The following CBY2 variants were observed in gnomAD, a reference collection of about 807,000 sequenced individuals.
The protein encoded by CBY2 is chibby family member 2.
A neutral mutation model predicts 25.3 loss-of-function variants in CBY2; 23 were observed. The ratio of observed to expected loss-of-function variants is 0.91; its 90% CI spans 0.65 to 1.29. The LOEUF (loss-of-function observed/expected upper bound fraction) is 1.29, where lower values mean the gene tolerates loss of function less well. Among genes scored for constraint, CBY2 ranks in the 50% most tolerant of loss-of-function variants. The probability of loss-of-function intolerance (pLI) is 0.00; values close to 1 mark genes in which losing one functional copy is unlikely to be tolerated. For missense variants in CBY2, 642 were observed against 590.7 expected, an observed-to-expected ratio of 1.09 and a Z score of -0.90; for synonymous variants, 279 against 260.2, an observed-to-expected ratio of 1.07 and a Z score of -0.70.
chr13:45,713,835 G>A lies in CBY2; in HGVS notation c.810G>A (p.Gln270=), dbSNP rs1388813652. 6.5e-7 allele frequency: 1 copy of A among 1,532,212 alleles called. No homozygotes were observed. The highest frequency in any genetic ancestry group is 8.8e-7 in the Non-Finnish European group (1 of 1,141,308). 94.9% of individuals were successfully genotyped at this position (1,532,212 alleles called of 1,614,324 possible). A position where few individuals can be genotyped will look rare whatever the true frequency, so the allele number is the denominator to read the frequency against. ...AGCAGAAACAGGCCTACTGGGCGCA[G>A]GCAGAGGACACGGCCGCCCCTGCCG... ...LLEQKQAYWA[Q]AEDTAAPAEE... is the part of the protein sequence containing the mutation. The change falls in exon 3 of 3, where the codon CAG becomes CAA. Residue 270 remains glutamine, a synonymous_variant. Transcript: ENST00000310521. The surrounding 1 kb of genome is among the most constrained non-coding windows in gnomAD (Gnocchi z 5.0).
chr13:45,708,501 A>G (rs527763173), intron 2 of CBY2, among the ~76,000 whole-genome samples: 52 of 152,352 alleles, frequency 3.4e-4, no homozygotes, highest in African/African-American at 1.2e-3. Context: ...ACACTAATGT[A>G]GGGGAAAAAT....
intron 2 of CBY2, 51 bp downstream of exon 2, chr13:45,702,906 C>A: frequency 7.2e-7 from 1 of 1,386,274 alleles, no homozygotes; most frequent in Non-Finnish European, 1.0e-6. Context: ...CCAGAATAAC[C>A]CCCCATCTCC....
At chr13:45,706,095 C>A (rs1950238189) in intron 2 of CBY2, among the ~76,000 whole-genome samples, 1 of 152,244 alleles carries the variant, frequency 6.6e-6, no homozygotes, top group Admixed American at 6.5e-5. Context: ...CCTGTTGCTA[C>A]AAGTCCTGTA....
intron 2 of CBY2, among the ~76,000 whole-genome samples, chr13:45,707,579 G>C (rs540841448): frequency 6.6e-6 from 1 of 152,278 alleles, no homozygotes; most frequent in East Asian, 1.9e-4. Flanking sequence ...TGTGAAATTT[G>C]CTTTCTAATT....
intron 2 of CBY2, among the ~76,000 whole-genome samples, chr13:45,708,031 C>T (rs1180070104): frequency 6.6e-6 from 1 of 152,092 alleles, no homozygotes; most frequent in Non-Finnish European, 1.5e-5. Flanking sequence ...GAAAATGTTC[C>T]GAGTCTCCTT....
intron 2 of CBY2, among the ~76,000 whole-genome samples, chr13:45,706,481 G>T (rs1052217942): frequency 2.0e-5 from 3 of 152,112 alleles, no homozygotes; most frequent in African/African-American, 7.2e-5. Flanking sequence ...TCTAGCACCC[G>T]ACAGGAAGGC....
chr13:45,711,495 T>C (rs187529374), intron 2 of CBY2, among the ~76,000 whole-genome samples: 54 of 152,210 alleles, frequency 3.5e-4, no homozygotes, highest in African/African-American at 1.2e-3. Flanking sequence ...AGTGACAAAA[T>C]CAGGATGAGA....
chr13:45,713,704 G>A lies in CBY2; in HGVS notation c.679G>A (p.Glu227Lys), dbSNP rs1566071808. Reference sequence around the variant, plus strand: ...GCTGCACAAAGACAGCGCGTCCCTGGAGGTGGTGAAGAAGGACCACGTCGC... The same window carrying A: ...GCTGCACAAAGACAGCGCGTCCCTGAAGGTGGTGAAGAAGGACCACGTCGC... ...PLLHKDSASL[E>K]VVKKDHVALQ... The change falls in exon 3 of 3, where the codon GAG becomes AAG. Residue 227 changes from glutamate (E) to lysine (K), a missense_variant. Transcript: ENST00000310521. The surrounding 1 kb of genome is among the most constrained non-coding windows in gnomAD (Gnocchi z 5.0). The A allele has an allele frequency of 6.2e-7, 1 of 1,612,108 alleles. No homozygotes were observed. Among genetic ancestry groups the A allele is most frequent in the Admixed American group, 1.7e-5 (1 of 60,000 alleles).
intron 2 of CBY2, among the ~76,000 whole-genome samples, chr13:45,705,212 G>A (rs1950233095): frequency 6.6e-6 from 1 of 152,158 alleles, no homozygotes; most frequent in Admixed American, 6.5e-5. Context: ...TAACTTGCAA[G>A]CCATCAGTGT....
At position 45,713,506 on chromosome 13, in the gene CBY2, A is replaced by G. The variant is rs1490626604; in HGVS notation, c.481A>G (p.Arg161Gly). The change falls in exon 3 of 3, where the codon AGG becomes GGG. Residue 161 changes from arginine (R) to glycine (G), a missense_variant. Coordinates refer to ENST00000310521, the MANE Select transcript of CBY2 (RefSeq NM_152719.3). This position sits in a 1 kb window ranked among gnomAD's most constrained non-coding sequence, Gnocchi z 5.0. Reference protein sequence around the residue: ...ASFHHKLHHKRLAKECMLQEE... With the variant: ...ASFHHKLHHKGLAKECMLQEE... ...CTTCCACCACAAGCTGCACCACAAG[A>G]GGCTGGCCAAGGAGTGCATGCTGCA... 1 of 1,614,162 alleles carries G rather than the reference A, an allele frequency of 6.2e-7. No individual in the cohort carries two copies. Among genetic ancestry groups the G allele is most frequent in the South Asian group, 1.1e-5 (1 of 91,068 alleles).
chr13:45,702,891 G>C, intron 2 of CBY2, 36 bp downstream of exon 2: 1 of 1,525,388 alleles, frequency 6.6e-7, no homozygotes, highest in Non-Finnish European at 9.1e-7. Flanking sequence ...ACCTATCAGT[G>C]TTAGCCAGAA....
chr13:45,712,829 C>T (rs908391871), intron 2 of CBY2, among the ~76,000 whole-genome samples: 2 of 152,102 alleles, frequency 1.3e-5, no homozygotes, highest in African/African-American at 2.4e-5. Context: ...GTGCTGCTGA[C>T]GTGAATTTGA....
Position 45,713,821 on chromosome 13 carries a change from G to A in CBY2, c.796G>A (p.Ala266Thr), listed in dbSNP as rs1950292071. The change falls in exon 3 of 3, where the codon GCC becomes ACC. Residue 266 changes from alanine (A) to threonine (T), a missense_variant. Coordinates refer to ENST00000310521, the MANE Select transcript of CBY2 (RefSeq NM_152719.3). The surrounding 1 kb of genome is among the most constrained non-coding windows in gnomAD (Gnocchi z 5.0). Reference protein sequence around the residue: ...ALQQLLEQKQAYWAQAEDTAA... With the variant: ...ALQQLLEQKQTYWAQAEDTAA... Reference sequence around the variant, plus strand: ...GCAGCAGCTGCTGGAGCAGAAACAGGCCTACTGGGCGCAGGCAGAGGACAC... The same window carrying A: ...GCAGCAGCTGCTGGAGCAGAAACAGACCTACTGGGCGCAGGCAGAGGACAC... 2 of 1,544,096 alleles carry A rather than the reference G, an allele frequency of 1.3e-6. No homozygotes were observed. The highest frequency in any genetic ancestry group is 3.9e-5 in the Admixed American group (2 of 51,416).
Position 45,714,207 on chromosome 13 carries a change from G to A in CBY2, c.1182G>A (p.Gln394=), listed in dbSNP as rs759380613. Reference sequence around the variant, plus strand: ...TACGGGCAGAGCACAGGGGCTTCCAGGAGGAGAACAAGGCCCTGTGGGAGA... The same window carrying A: ...TACGGGCAGAGCACAGGGGCTTCCAAGAGGAGAACAAGGCCCTGTGGGAGA... ...QVLRAEHRGF[Q]EENKALWENN... Residue 394 remains glutamine (Q), a synonymous_variant, in exon 3 of 3, where the codon CAG becomes CAA. Coordinates refer to ENST00000310521, the MANE Select transcript of CBY2 (RefSeq NM_152719.3). The A allele has an allele frequency of 5.6e-6, 9 of 1,612,628 alleles. No individual in the cohort carries two copies. The highest frequency in any genetic ancestry group is 1.3e-5 in the African/African-American group (1 of 74,944).
Position 45,702,783 on chromosome 13 carries a change from G to A in CBY2, c.84G>A (p.Arg28=), listed in dbSNP as rs746501243. ...TTTTCTCGTTTCCACAGCACTCAAG[G>A]CCAAATTATACAAGAAAAAGAGATA... The part of the protein sequence containing the change: ...TYTWQLTLHS[R]PNYTRKRDTR... The change falls in exon 2 of 3, where the codon AGG becomes AGA. Residue 28 remains arginine (R), a synonymous_variant. Coordinates refer to ENST00000310521, the MANE Select transcript of CBY2 (RefSeq NM_152719.3). The A allele has an allele frequency of 6.2e-7, 1 of 1,613,894 alleles. No homozygotes were observed. Among genetic ancestry groups the A allele is most frequent in the Non-Finnish European group, 8.5e-7 (1 of 1,179,854 alleles).
At chr13:45,705,220 T>G (rs896599106) in intron 2 of CBY2, among the ~76,000 whole-genome samples, 1 of 152,208 alleles carries the variant, frequency 6.6e-6, no homozygotes, top group African/African-American at 2.4e-5. Flanking sequence ...AAGCCATCAG[T>G]GTCATTTCCA....
intron 2 of CBY2, among the ~76,000 whole-genome samples, chr13:45,708,961 G>A (rs751363024): frequency 5.3e-5 from 8 of 152,194 alleles, no homozygotes; most frequent in Non-Finnish European, 1.0e-4. Context: ...CATGGAACAA[G>A]AGAAGGCACA....
Position 45,713,833 on chromosome 13 carries a change from C to T in CBY2, c.808C>T (p.Gln270Ter). Reference protein sequence around the residue: ...LLEQKQAYWAQAEDTAAPAEE... With the variant: ...LLEQKQAYWA ...GGAGCAGAAACAGGCCTACTGGGCG[C>T]AGGCAGAGGACACGGCCGCCCCTGC... Residue 270 changes from glutamine to a stop codon, truncating the protein, a stop_gained, in exon 3 of 3, where the codon CAG becomes TAG. Coordinates refer to ENST00000310521, the MANE Select transcript of CBY2 (RefSeq NM_152719.3). LOFTEE classifies it high-confidence loss of function. This position sits in a 1 kb window ranked among gnomAD's most constrained non-coding sequence, Gnocchi z 5.0. The T allele has an allele frequency of 1.3e-6, 2 of 1,533,120 alleles. No homozygotes were observed. Among genetic ancestry groups the T allele is most frequent in the Non-Finnish European group, 1.8e-6 (2 of 1,141,672 alleles). The allele number at this position is 1,533,120 out of a possible 1,614,324, so 95.0% of individuals were successfully genotyped here.
Position 45,702,843 on chromosome 13 carries a change from G to T in CBY2, c.144G>T (p.Val48=). 1 of 1,612,944 alleles carries T rather than the reference G, an allele frequency of 6.2e-7. No individual in the cohort carries two copies. ...RSESLEIPIS[V]VLPQRGTAEP... is the part of the protein sequence containing the mutation. ...AAAGCCTAGAAATTCCAATCAGTGT[G>T]GTTCTACCTCAGGTAGGGATAATCA... Residue 48 remains valine (V), a synonymous_variant, in exon 2 of 3, where the codon GTG becomes GTT. Coordinates refer to ENST00000310521, the MANE Select transcript of CBY2 (RefSeq NM_152719.3).
Sources: allele counts gnomAD v4.1 joint callset (sites outside exome capture counted in the v4.1 genomes callset), GRCh38; gene constraint gnomAD v4.1.1; non-coding constraint Gnocchi (gnomAD v3.1); transcripts MANE v1.5; gene names NCBI Gene and HGNC (gene_info 2026-07-23, HGNC 2026-07-21).